CAMSAP2: variants seen among roughly 807,000 people sequenced by gnomAD.
CAMSAP2 encodes calmodulin-regulated spectrin-associated protein 2.
A neutral mutation model predicts 146.1 loss-of-function variants in CAMSAP2; 26 were observed. The observed-to-expected ratio is 0.18, with a 90% CI of 0.13 to 0.25. The LOEUF is 0.25. Ranked by LOEUF, CAMSAP2 falls within the 10% of genes least tolerant of loss-of-function variation. CAMSAP2 has a pLI of 1.00. For synonymous variants in CAMSAP2, 499 were observed against 596.6 expected, an observed-to-expected ratio of 0.84 and a Z score of 2.38; for missense variants, 1,381 against 1,759.3, an observed-to-expected ratio of 0.78 and a Z score of 3.85.
chr1:200,788,527 C>G (rs192926499), intron 2 of CAMSAP2, among the ~76,000 whole-genome samples: 1 of 152,260 alleles, frequency 6.6e-6, no homozygotes, highest in Admixed American at 6.5e-5. Context: ...TGTTGTTCCA[C>G]AGGAACTTTC....
chr1:200,767,183 A>C (rs1664977032), intron 2 of CAMSAP2, among the ~76,000 whole-genome samples: 1 of 152,078 alleles, frequency 6.6e-6, no homozygotes, highest in Non-Finnish European at 1.5e-5. Context: ...ATACAAAAAA[A>C]AATTAGCTGG....
At chr1:200,784,024 G>A (rs1216517167) in intron 2 of CAMSAP2, among the ~76,000 whole-genome samples, 2 of 150,140 alleles carry the variant, frequency 1.3e-5, no homozygotes, top group African/African-American at 2.4e-5. Flanking sequence ...GTGTGGTCGA[G>A]GTTCATTTTA....
At position 200,853,517 on chromosome 1, in the gene CAMSAP2, A is replaced by G. The variant is rs1667678149; in HGVS notation, c.3823+22A>G. The G allele has an allele frequency of 6.4e-7, 1 of 1,557,336 alleles. No homozygotes were observed. Among genetic ancestry groups the G allele is most frequent in the South Asian group, 1.1e-5 (1 of 88,476 alleles). Reference sequence around the variant, plus strand: ...CCAGGTAACATAGCTTATTATGAAGAGTCTGTTCATAAAAAACACCAGCTT... The same window carrying G: ...CCAGGTAACATAGCTTATTATGAAGGGTCTGTTCATAAAAAACACCAGCTT... On this transcript the variant is annotated intron_variant, in intron 13 of 16. Transcript: ENST00000358823. This position sits in a 1 kb window ranked among gnomAD's most constrained non-coding sequence, Gnocchi z 5.1.
chr1:200,796,146 C>T (rs778078308), intron 2 of CAMSAP2, among the ~76,000 whole-genome samples: 8 of 152,108 alleles, frequency 5.3e-5, no homozygotes, highest in Non-Finnish European at 1.0e-4. Context: ...CACCTTTGGT[C>T]CTGACTATGT....
intron 1 of CAMSAP2, among the ~76,000 whole-genome samples, chr1:200,748,758 ATTT>A (rs535780256): frequency 7.8e-6 from 1 of 128,664 alleles, no homozygotes; most frequent in Admixed American, 7.7e-5. Flanking sequence ...TTCAGGTTTG[ATTT>A]TTTTTTTTTT....
At chr1:200,794,103 A>C (rs1665822144) in intron 2 of CAMSAP2, among the ~76,000 whole-genome samples, 1 of 152,228 alleles carries the variant, frequency 6.6e-6, no homozygotes, top group African/African-American at 2.4e-5. Flanking sequence ...ATATATAATG[A>C]TGCATGTATA....
rs1332525018 is a variant in CAMSAP2 at position 200,858,720 on chromosome 1, G to A, written c.*661G>A. ...TAACATTCTCTATTAAATAAGAGGA[G>A]GTGTTGTAAAGAGCTGCTAGTAGGT... On this transcript the variant is annotated 3_prime_UTR_variant, in exon 17 of 17. Coordinates refer to ENST00000358823, the MANE Select transcript of CAMSAP2 (RefSeq NM_203459.4). 2 of 152,616 alleles carry A rather than the reference G, an allele frequency of 1.3e-5. No individual in the cohort carries two copies. Among genetic ancestry groups the A allele is most frequent in the African/African-American group, 4.8e-5 (2 of 41,432 alleles). 9.5% of individuals were successfully genotyped at this position (152,616 alleles called of 1,614,324 possible).
At chr1:200,856,206 G>A in intron 15 of CAMSAP2, 81 bp downstream of exon 15, 1 of 990,530 alleles carries the variant, frequency 1.0e-6, no homozygotes, top group Non-Finnish European at 1.6e-6. Context: ...AAATTTTATT[G>A]GCTCACCTTT....
At chr1:200,747,191 A>C (rs1017321944) in intron 1 of CAMSAP2, among the ~76,000 whole-genome samples, 4 of 151,980 alleles carry the variant, frequency 2.6e-5, no homozygotes, top group Non-Finnish European at 5.9e-5. Flanking sequence ...GAGCCACCCC[A>C]CCCAGCTGAC....
chr1:200,827,676 T>TATATTATTTTTCTAAATA (rs6143568), intron 4 of CAMSAP2, among the ~76,000 whole-genome samples: 47,488 of 151,244 alleles, frequency 0.31, 8,489 homozygotes, highest in East Asian at 0.52. Flanking sequence ...ATACCTTATT[T>TATATTATTTTTCTAAATA]ATATTATTTT....
intron 2 of CAMSAP2, among the ~76,000 whole-genome samples, chr1:200,762,405 GC>G (rs1664825877): frequency 6.6e-6 from 1 of 152,136 alleles, no homozygotes. Context: ...TGGCATACCT[GC>G]TTTGCATACA....
chr1:200,758,857 A>G (rs1366852064), intron 1 of CAMSAP2, among the ~76,000 whole-genome samples: 1 of 152,130 alleles, frequency 6.6e-6, no homozygotes, highest in Non-Finnish European at 1.5e-5. Context: ...TGTCTTTAGC[A>G]GTTAGTCTCT....
At chr1:200,790,265 G>A (rs986388635) in intron 2 of CAMSAP2, among the ~76,000 whole-genome samples, 1 of 152,048 alleles carries the variant, frequency 6.6e-6, no homozygotes, top group Non-Finnish European at 1.5e-5. Context: ...TTCTTCTGAG[G>A]GCAGGCCTTG....
At chr1:200,813,172 C>T (rs1666381426) in intron 3 of CAMSAP2, among the ~76,000 whole-genome samples, 3 of 152,230 alleles carry the variant, frequency 2.0e-5, no homozygotes, top group Non-Finnish European at 4.4e-5. Flanking sequence ...CTCTCTGCTT[C>T]AGAATGGCAG....
At position 200,739,758 on chromosome 1, in the gene CAMSAP2, A is replaced by G; in HGVS notation, c.-70A>G. On this transcript the variant is annotated 5_prime_UTR_variant, in exon 1 of 17. Coordinates refer to ENST00000358823, the MANE Select transcript of CAMSAP2 (RefSeq NM_203459.4). This position sits in a 1 kb window ranked among gnomAD's most constrained non-coding sequence, Gnocchi z 4.8. ...TGAGCTTGCTTCTCCCTCCCTCCCGACCCCCGTGGTGGCGAGGCCACGCCA... is the reference window on the plus strand; with the variant it reads ...TGAGCTTGCTTCTCCCTCCCTCCCGGCCCCCGTGGTGGCGAGGCCACGCCA... 7.2e-7 allele frequency: 1 copy of G among 1,384,108 alleles called. No homozygotes were observed. Among genetic ancestry groups the G allele is most frequent in the Non-Finnish European group, 9.8e-7 (1 of 1,023,180 alleles). The allele number at this position is 1,384,108 out of a possible 1,614,324, so 85.7% of individuals were successfully genotyped here.
At chr1:200,850,362 C>T in intron 11 of CAMSAP2, 128 bp downstream of exon 11, 1 of 746,362 alleles carries the variant, frequency 1.3e-6, no homozygotes, top group Non-Finnish European at 2.1e-6. Context: ...AGTTCATCCC[C>T]ATTAACTATA....
chr1:200,846,792 G>A (rs914600340), intron 8 of CAMSAP2, among the ~76,000 whole-genome samples: 1 of 152,212 alleles, frequency 6.6e-6, no homozygotes, highest in African/African-American at 2.4e-5. Context: ...GCTACCAGCT[G>A]TTGGAGATAT....
At chr1:200,851,244 A>G (rs1015296688) in intron 11 of CAMSAP2, among the ~76,000 whole-genome samples, 17 of 152,166 alleles carry the variant, frequency 1.1e-4, no homozygotes, top group Non-Finnish European at 1.8e-4. Flanking sequence ...CTTGTTGCCC[A>G]GGCTGGAGTA....
chr1:200,841,084 C>T (rs1667311534), intron 6 of CAMSAP2, among the ~76,000 whole-genome samples: 1 of 151,952 alleles, frequency 6.6e-6, no homozygotes, highest in Non-Finnish European at 1.5e-5. Context: ...TAAAAGGTAA[C>T]ATTGTTGACT....
Sources: allele counts gnomAD v4.1 joint callset (sites outside exome capture counted in the v4.1 genomes callset), GRCh38; gene constraint gnomAD v4.1.1; non-coding constraint Gnocchi (gnomAD v3.1); transcripts MANE v1.5; gene names NCBI Gene and HGNC (gene_info 2026-07-23, HGNC 2026-07-21).